The following RACGAP1 variants were observed in gnomAD, a reference collection of about 807,000 sequenced individuals.
RACGAP1 encodes the protein Rac GTPase activating protein 1, also known as rac GTPase-activating protein 1.
Under a neutral mutation model 78.1 loss-of-function variants are expected in RACGAP1, and 30 were observed. The ratio of observed to expected loss-of-function variants is 0.38; its 90% CI spans 0.29 to 0.52. The LOEUF (loss-of-function observed/expected upper bound fraction) is 0.52, where lower values mean the gene tolerates loss of function less well. Ranked by LOEUF, RACGAP1 falls within the 20% of genes least tolerant of loss-of-function variation. RACGAP1 has a pLI of 0.82. For missense variants in RACGAP1, 587 were observed against 777.1 expected, an observed-to-expected ratio of 0.76 and a Z score of 2.91; for synonymous variants, 231 against 264.8, an observed-to-expected ratio of 0.87 and a Z score of 1.24.
At position 49,990,221 on chromosome 12, in the gene RACGAP1, C is replaced by T; in HGVS notation, c.*47G>A. 2.0e-6 allele frequency: 3 copies of T among 1,509,658 alleles called. No individual in the cohort carries two copies. The highest frequency in any genetic ancestry group is 2.8e-6 in the Non-Finnish European group (3 of 1,086,460). The allele number at this position is 1,509,658 out of a possible 1,614,324, so 93.5% of individuals were successfully genotyped here. A position where few individuals can be genotyped will look rare whatever the true frequency, so the allele number is the denominator to read the frequency against. On this transcript the variant is annotated 3_prime_UTR_variant, in exon 17 of 17. Coordinates refer to ENST00000312377, the MANE Select transcript of RACGAP1 (RefSeq NM_001319999.2). ...CTGCAGAGCAGAGTACAGATGTGTC[C>T]TTTCTTATAGTCAGTCAATGCTGGG...
rs188988014 is a variant in RACGAP1, at chr12:50,009,198, G to A, written c.86-2562C>T. Among the ~76,000 whole-genome samples the A allele has an allele frequency of 3.4e-5, 5 of 146,476 alleles. No homozygotes were observed. The East Asian group carries it at 6.1e-4, about 18-fold the overall frequency. On this transcript the variant is annotated intron_variant, in intron 2 of 16. Transcript: ENST00000312377. ...GCAGAAGTCGCAGTGAGCTGAGATC[G>A]TGCCACTGCACTCCAGCCTGGGCAA... is the stretch of plus-strand genomic sequence containing the variant.
chr12:50,012,243 G>A (rs545334929), intron 2 of RACGAP1, among the ~76,000 whole-genome samples: 10 of 152,148 alleles, frequency 6.6e-5, no homozygotes, highest in Admixed American at 2.0e-4. Context: ...CCTGGCCAAC[G>A]TGGTGAAACC....
In RACGAP1 at chr12:49,990,793, C is replaced by G. The variant is rs1947786054; in HGVS notation, c.1715-1G>C. On this transcript the variant is annotated splice_acceptor_variant, in intron 15 of 16. Transcript: ENST00000312377. LOFTEE classifies it high-confidence loss of function. ...GTGGTCACAGGTCCCAGTAAACTCACTTCAAAGTTCAGACATATTTTTAAG... is the reference window on the plus strand; with the variant it reads ...GTGGTCACAGGTCCCAGTAAACTCAGTTCAAAGTTCAGACATATTTTTAAG... 4 of 1,608,324 alleles carry G rather than the reference C, an allele frequency of 2.5e-6. No homozygotes were observed. Among genetic ancestry groups the G allele is most frequent in the Non-Finnish European group, 3.4e-6 (4 of 1,175,650 alleles).
At chr12:50,031,422 T>C (rs1487297133) in intron 2 of RACGAP1, among the ~76,000 whole-genome samples, 1 of 132,186 alleles carries the variant, frequency 7.6e-6, no homozygotes, top group Non-Finnish European at 1.5e-5. Context: ...GAGGCTGCAG[T>C]GAGCCGAGAT....
intron 1 of RACGAP1, among the ~76,000 whole-genome samples, chr12:50,023,289 A>G (rs1950103835): frequency 6.6e-6 from 1 of 152,208 alleles, no homozygotes; most frequent in African/African-American, 2.4e-5. Context: ...AAAGGGATGT[A>G]CTAATGCACA....
intron 7 of RACGAP1, among the ~76,000 whole-genome samples, chr12:50,000,300 A>T (rs887400934): frequency 1.1e-4 from 16 of 152,092 alleles, no homozygotes; most frequent in African/African-American, 3.9e-4. Context: ...GGCGTGAGCC[A>T]CCGCGCCTGG....
intron 1 of RACGAP1, chr12:50,031,988 A>G (rs1168139796): frequency 6.5e-6 from 1 of 152,936 alleles, no homozygotes; most frequent in Non-Finnish European, 1.5e-5. Context: ...CGCTACTAAA[A>G]ATACAAAAAT....
intron 1 of RACGAP1, among the ~76,000 whole-genome samples, chr12:50,032,652 G>A (rs73297491): frequency 0.072 from 10,969 of 152,138 alleles, 1,312 homozygotes; most frequent in African/African-American, 0.25. Context: ...TCCTGGGGCT[G>A]CACTTGTAAC....
At chr12:50,016,599 T>C in intron 2 of RACGAP1, 32 bp downstream of exon 2, 1 of 1,587,772 alleles carries the variant, frequency 6.3e-7, no homozygotes, top group South Asian at 1.1e-5. Context: ...AATCTGTTTT[T>C]CCTTTGGACA....
intron 1 of RACGAP1, among the ~76,000 whole-genome samples, chr12:50,021,491 C>T (rs1056009202): frequency 6.6e-6 from 1 of 152,102 alleles, no homozygotes; most frequent in Non-Finnish European, 1.5e-5. Context: ...GCTTTGAGCC[C>T]CCAATTTAAT....
At chr12:50,016,185 T>C (rs1236243037) in intron 2 of RACGAP1, among the ~76,000 whole-genome samples, 5 of 151,976 alleles carry the variant, frequency 3.3e-5, no homozygotes, top group Non-Finnish European at 7.4e-5. Context: ...AGTTCAAGAA[T>C]AGCCTGTGCA....
chr12:50,025,652 G>GT (rs1565712207), upstream of RACGAP1: 1 of 681,900 alleles, frequency 1.5e-6, no homozygotes, highest in African/African-American at 2.0e-5. Flanking sequence ...AATGTCAACG[G>GT]TTTTTCGGTT....
At chr12:50,018,838 AT>A (rs34713846) in intron 1 of RACGAP1, among the ~76,000 whole-genome samples, 311 of 142,862 alleles carry the variant, frequency 2.2e-3, no homozygotes, top group Admixed American at 2.6e-3. Flanking sequence ...TCTCTTGTCC[AT>A]TTTTTTTTTT....
chr12:50,009,914 T>C, intron 2 of RACGAP1, among the ~76,000 whole-genome samples: 1 of 152,254 alleles, frequency 6.6e-6, no homozygotes, highest in East Asian at 1.9e-4. Context: ...CACTAAATTT[T>C]TCTAGATTAC....
intron 2 of RACGAP1, among the ~76,000 whole-genome samples, chr12:50,009,597 C>T (rs1172144971): frequency 6.6e-6 from 1 of 152,120 alleles, no homozygotes; most frequent in Non-Finnish European, 1.5e-5. Flanking sequence ...AGTGTTGTAA[C>T]CTGCCTAGCA....
At chr12:49,996,780 G>A (rs934615352) in intron 10 of RACGAP1, among the ~76,000 whole-genome samples, 1 of 151,226 alleles carries the variant, frequency 6.6e-6, no homozygotes, top group Non-Finnish European at 1.5e-5. Flanking sequence ...ATGAAGGGGA[G>A]GAAGGAAGGA....
chr12:50,002,397 G>A, intron 5 of RACGAP1, 97 bp from the exon 6 acceptor site: 1 of 1,024,390 alleles, frequency 9.8e-7, no homozygotes, highest in Non-Finnish European at 1.5e-6. Flanking sequence ...GGCTTCTTCA[G>A]TCAGGCTACC....
intron 1 of RACGAP1, among the ~76,000 whole-genome samples, chr12:50,032,536 A>AGAGTGTGTGTGTGTGT (rs1555181904): frequency 1.4e-5 from 2 of 147,034 alleles, no homozygotes; most frequent in African/African-American, 5.1e-5. Flanking sequence ...GGAAAAGGTG[A>AGAGTGTGTGTGTGTGT]GTGTGTGTGT....
chr12:49,996,668 A>AAAAAAAAAAAAAAAT (rs1948302735), intron 10 of RACGAP1, among the ~76,000 whole-genome samples: 3 of 129,286 alleles, frequency 2.3e-5, no homozygotes, highest in Admixed American at 1.5e-4. Flanking sequence ...AAAAAAAAAA[A>AAAAAAAAAAAAAAAT]TGGACACAAG....
Sources: allele counts gnomAD v4.1 joint callset (sites outside exome capture counted in the v4.1 genomes callset), GRCh38; gene constraint gnomAD v4.1.1; transcripts MANE v1.5; gene names NCBI Gene and HGNC (gene_info 2026-07-23, HGNC 2026-07-21).